Variants in PACS1 observed in about 807,000 individuals in gnomAD.
PACS1 encodes PACS-1.
Under a neutral mutation model 115.0 loss-of-function variants are expected in PACS1, and 24 were observed. The ratio of observed to expected loss-of-function variants is 0.21; its 90% CI spans 0.15 to 0.29. PACS1 has a LOEUF of 0.29. Among genes scored for constraint, PACS1 ranks in the 10% least tolerant of loss-of-function variants. The probability of loss-of-function intolerance (pLI) is 1.00; values close to 1 mark genes in which losing one functional copy is unlikely to be tolerated. For missense variants in PACS1, 838 were observed against 1,251.2 expected, an observed-to-expected ratio of 0.67 and a Z score of 4.98; for synonymous variants, 453 against 504.5, an observed-to-expected ratio of 0.90 and a Z score of 1.37.
chr11:66,146,525 A>G (rs1859127552), intron 1 of PACS1, among the ~76,000 whole-genome samples: 1 of 152,218 alleles, frequency 6.6e-6, no homozygotes, highest in African/African-American at 2.4e-5. Context: ...CCTGAGAGAA[A>G]AAAATGAACA....
rs4013919 is a variant in PACS1, at chr11:66,166,139, T to TTTTGTTTG, written c.357-27335_357-27328dup. 7.3e-3 allele frequency among the ~76,000 whole-genome samples: 1,100 copies of TTTTGTTTG among 151,056 alleles called. 16 individuals are homozygous for TTTTGTTTG. The highest frequency in any genetic ancestry group is 0.025 in the African/African-American group (1,032 of 41,146). ...TCCGTTTGCCTCTGACCTCACATCTTTTTGTTTGTTTGTTTGTTTTGTTTT... is the reference window on the plus strand; with the variant it reads ...TCCGTTTGCCTCTGACCTCACATCTTTTTGTTTGTTTGTTTGTTTGTTTGTTTTGTTTT... On this transcript the variant is annotated intron_variant, in intron 1 of 23. Transcript: ENST00000320580.
chr11:66,201,353 G>A (rs150275849), intron 2 of PACS1, among the ~76,000 whole-genome samples: 85 of 152,164 alleles, frequency 5.6e-4, no homozygotes, highest in African/African-American at 1.8e-3. Flanking sequence ...AATGACCAGT[G>A]GGTCAATGAA....
intron 1 of PACS1, among the ~76,000 whole-genome samples, chr11:66,098,211 AAT>A (rs1365593789): frequency 1.3e-5 from 2 of 152,092 alleles, no homozygotes; most frequent in Non-Finnish European, 2.9e-5. Flanking sequence ...AAGAATAATC[AAT>A]ATGTTTGTCT....
At chr11:66,131,948 CT>C (rs1396028666) in intron 1 of PACS1, among the ~76,000 whole-genome samples, 2 of 151,610 alleles carry the variant, frequency 1.3e-5, no homozygotes, top group African/African-American at 4.8e-5. Context: ...TATTTTATCC[CT>C]TCCTCATTAA....
intron 1 of PACS1, among the ~76,000 whole-genome samples, chr11:66,177,787 T>A (rs1056671786): frequency 6.6e-6 from 1 of 151,988 alleles, no homozygotes; most frequent in Non-Finnish European, 1.5e-5. Context: ...AATTTTTAAT[T>A]TTTTTTTGTA....
At chr11:66,200,852 TC>T (rs1479323749) in intron 2 of PACS1, among the ~76,000 whole-genome samples, 1 of 151,902 alleles carries the variant, frequency 6.6e-6, no homozygotes, top group Non-Finnish European at 1.5e-5. Flanking sequence ...CTTTTTTTTT[TC>T]ATTAGCATGT....
intron 1 of PACS1, among the ~76,000 whole-genome samples, chr11:66,169,568 T>A (rs985793509): frequency 7.0e-6 from 1 of 142,712 alleles, no homozygotes; most frequent in Non-Finnish European, 1.5e-5. Context: ...CCCGGCTAAT[T>A]TTTTTTTTTT....
Position 66,241,599 on chromosome 11 carries a change from C to G in PACS1, c.2602C>G (p.Gln868Glu). The G allele has an allele frequency of 1.2e-6, 2 of 1,614,070 alleles. No individual in the cohort carries two copies. The highest frequency in any genetic ancestry group is 1.7e-6 in the Non-Finnish European group (2 of 1,179,926). ...CCGCCTGCCCCATAGTGGGGAGGCC[C>G]AGCTTTCTGGCACCATGGCCATGAC... ...VSRLPHSGEAQLSGTMAMTVV... is the reference protein window; with the variant it reads ...VSRLPHSGEAELSGTMAMTVV... Residue 868 changes from glutamine (Q) to glutamate (E), a missense_variant, in exon 22 of 24, where the codon CAG (glutamine) becomes GAG (glutamate). This residue lies in a region of PACS1 where 84 missense variants were observed against 187.1 expected (regional missense o/e 0.45). Coordinates refer to ENST00000320580, the MANE Select transcript of PACS1 (RefSeq NM_018026.4).
At chr11:66,090,478 C>T (rs1450380605) in intron 1 of PACS1, among the ~76,000 whole-genome samples, 2 of 151,888 alleles carry the variant, frequency 1.3e-5, no homozygotes, top group Non-Finnish European at 2.9e-5. Context: ...CCCACTGTTG[C>T]CCAGGCTGGT....
intron 1 of PACS1, among the ~76,000 whole-genome samples, chr11:66,119,877 A>T (rs1199273849): frequency 6.6e-6 from 1 of 152,064 alleles, no homozygotes; most frequent in East Asian, 1.9e-4. Context: ...TTGTTTGGGG[A>T]TTACACTAGA....
chr11:66,173,688 C>T (rs572363834), intron 1 of PACS1, among the ~76,000 whole-genome samples: 7 of 151,674 alleles, frequency 4.6e-5, no homozygotes, highest in South Asian at 4.2e-4. Context: ...CCAGCCTGGG[C>T]GACAGAGCGA....
intron 2 of PACS1, among the ~76,000 whole-genome samples, chr11:66,205,484 CAT>C (rs1335595220): frequency 6.6e-6 from 1 of 151,748 alleles, no homozygotes; most frequent in African/African-American, 2.4e-5. Context: ...GTGATTATTA[CAT>C]GTTGTATGCC....
intron 1 of PACS1, among the ~76,000 whole-genome samples, chr11:66,131,577 C>T (rs117542775): frequency 0.027 from 4,104 of 152,254 alleles, 85 homozygotes; most frequent in Middle Eastern, 0.044. Flanking sequence ...TTAATTTAGA[C>T]ATTTCCTTTG....
intron 1 of PACS1, among the ~76,000 whole-genome samples, chr11:66,147,005 C>T (rs888426804): frequency 5.3e-5 from 8 of 152,224 alleles, no homozygotes; most frequent in South Asian, 2.1e-4. Flanking sequence ...TGCAGTGAGC[C>T]GACATCATGC....
chr11:66,161,253 A>G (rs1859482465), intron 1 of PACS1, among the ~76,000 whole-genome samples: 1 of 152,152 alleles, frequency 6.6e-6, no homozygotes, highest in Non-Finnish European at 1.5e-5. Context: ...AACATACACA[A>G]ATATGTAATT....
chr11:66,210,512 C>A, intron 3 of PACS1, 61 bp downstream of exon 3: 1 of 1,187,100 alleles, frequency 8.4e-7, no homozygotes, highest in Non-Finnish European at 1.3e-6. Flanking sequence ...CCCAGACAGT[C>A]CTCTAACCCA....
At chr11:66,073,315 A>G (rs1857342787) in intron 1 of PACS1, among the ~76,000 whole-genome samples, 1 of 152,254 alleles carries the variant, frequency 6.6e-6, no homozygotes, top group Admixed American at 6.5e-5. Context: ...TATAGGCAAC[A>G]TGCAGCACTC....
At chr11:66,112,499 A>G (rs1858212589) in intron 1 of PACS1, among the ~76,000 whole-genome samples, 1 of 152,126 alleles carries the variant, frequency 6.6e-6, no homozygotes, top group Non-Finnish European at 1.5e-5. Context: ...TGCTTTCTTA[A>G]TATTTTACTT....
chr11:66,241,679 A>C, intron 22 of PACS1, 26 bp downstream of exon 22: 1 of 1,556,798 alleles, frequency 6.4e-7, no homozygotes, highest in Non-Finnish European at 8.8e-7. Flanking sequence ...GCCGGGGAAG[A>C]CCATGGGCCA....
Sources: allele counts gnomAD v4.1 joint callset (sites outside exome capture counted in the v4.1 genomes callset), GRCh38; gene constraint gnomAD v4.1.1; regional missense constraint gnomAD v4.1.1; transcripts MANE v1.5; gene names NCBI Gene and HGNC (gene_info 2026-07-23, HGNC 2026-07-21).